The following FHIT variants were observed in gnomAD, a reference collection of about 807,000 sequenced individuals.
FHIT encodes fragile histidine triad diadenosine triphosphatase.
Under a neutral mutation model 17.9 loss-of-function variants are expected in FHIT, and 19 were observed. That is an observed-to-expected ratio of 1.06 (90% CI 0.74 to 1.56). The LOEUF is 1.56. FHIT is among the 40% of genes most tolerant of loss of function. FHIT has a pLI of 0.00. For synonymous variants in FHIT, 81 were observed against 69.7 expected (o/e 1.16, Z -0.81); for missense variants, 248 against 189.2 (o/e 1.31, Z -1.82).
intron 5 of FHIT, among the ~76,000 whole-genome samples, chr3:60,030,054 T>C (rs1330009829): frequency 1.3e-5 from 2 of 152,144 alleles, no homozygotes; most frequent in Non-Finnish European, 2.9e-5. Flanking sequence ...TGTCAGGGTT[T>C]TGTTTGTGAC....
At chr3:60,215,164 C>A (rs1703641531) in intron 5 of FHIT, among the ~76,000 whole-genome samples, 1 of 151,820 alleles carries the variant, frequency 6.6e-6, no homozygotes, top group African/African-American at 2.4e-5. Context: ...CCCCTGGAAT[C>A]TAAAATAAAA....
intron 3 of FHIT, among the ~76,000 whole-genome samples, chr3:61,012,923 T>C (rs1439002): frequency 6.6e-6 from 1 of 151,494 alleles, no homozygotes; most frequent in Non-Finnish European, 1.5e-5. Context: ...ATATGACTTA[T>C]AGAGAAAGGA....
intron 4 of FHIT, among the ~76,000 whole-genome samples, chr3:60,693,374 G>C (rs1279408136): frequency 6.6e-6 from 1 of 152,134 alleles, no homozygotes; most frequent in African/African-American, 2.4e-5. Context: ...TTTCCCTTGG[G>C]GAAGGAGTAA....
At chr3:60,626,297 T>C (rs2039283781) in intron 4 of FHIT, among the ~76,000 whole-genome samples, 1 of 152,234 alleles carries the variant, frequency 6.6e-6, no homozygotes, top group African/African-American at 2.4e-5. Context: ...ATTGAATCTT[T>C]ATGGCACTCA....
At chr3:59,894,569 G>T (rs1434458363) in intron 8 of FHIT, among the ~76,000 whole-genome samples, 2 of 150,994 alleles carry the variant, frequency 1.3e-5, no homozygotes. Flanking sequence ...AGTGGGACAA[G>T]TCAAATCTAC....
chr3:60,012,016 G>A (rs1700157016), intron 6 of FHIT, among the ~76,000 whole-genome samples: 3 of 152,210 alleles, frequency 2.0e-5, no homozygotes, highest in East Asian at 3.9e-4. Flanking sequence ...TGGTTGAGAT[G>A]GCCAAACAAA....
chr3:61,167,299 A>C (rs111551640), intron 2 of FHIT, among the ~76,000 whole-genome samples: 51 of 151,970 alleles, frequency 3.4e-4, no homozygotes, highest in African/African-American at 1.2e-3. Context: ...AATTAATAAC[A>C]AAATGAAACA....
chr3:60,097,428 T>G (rs1020874183), intron 5 of FHIT, among the ~76,000 whole-genome samples: 4 of 152,020 alleles, frequency 2.6e-5, no homozygotes, highest in Non-Finnish European at 5.9e-5. Context: ...CTAGTCCCAG[T>G]TTTCCAAGAC....
At chr3:60,583,267 T>C (rs2037805332) in intron 4 of FHIT, among the ~76,000 whole-genome samples, 1 of 151,992 alleles carries the variant, frequency 6.6e-6, no homozygotes, top group South Asian at 2.1e-4. Flanking sequence ...TAAAAATAAA[T>C]TTGGCATTCC....
At chr3:60,422,229 T>C (rs928521186) in intron 5 of FHIT, among the ~76,000 whole-genome samples, 1 of 152,164 alleles carries the variant, frequency 6.6e-6, no homozygotes, top group Non-Finnish European at 1.5e-5. Context: ...GAGAGTCATA[T>C]GGAAATATTC....
chr3:60,431,600 G>A (rs1374140552), intron 5 of FHIT, among the ~76,000 whole-genome samples: 1 of 152,086 alleles, frequency 6.6e-6, no homozygotes, highest in African/African-American at 2.4e-5. Flanking sequence ...TTTTACTGGT[G>A]AAGGACGAAG....
intron 7 of FHIT, among the ~76,000 whole-genome samples, chr3:60,010,872 G>T (rs1351324150): frequency 6.6e-6 from 1 of 151,754 alleles, no homozygotes; most frequent in Non-Finnish European, 1.5e-5. Flanking sequence ...AGGTGTGGGG[G>T]TGACGAGAAG....
chr3:60,860,668 G>GA lies in FHIT; in HGVS notation c.-110-38658_-110-38657insT, dbSNP rs560218144. 8.5e-4 allele frequency among the ~76,000 whole-genome samples: 86 copies of GA among 100,762 alleles called. 2 individuals are homozygous for GA. The highest frequency in any genetic ancestry group is 3.3e-3 in the African/African-American group (72 of 21,798). 66.1% of individuals were successfully genotyped at this position (100,762 alleles called of 152,430 possible). On this transcript the variant is annotated intron_variant, in intron 3 of 9. Transcript: ENST00000492590. Reference sequence around the variant, plus strand: ...ATATGTACATATATCAGGTATATATGTACATATGTACATATATATCAGGTA... The same window carrying GA: ...ATATGTACATATATCAGGTATATATGATACATATGTACATATATATCAGGTA...
chr3:61,088,833 C>T (rs771765733), intron 2 of FHIT, among the ~76,000 whole-genome samples: 5 of 151,988 alleles, frequency 3.3e-5, no homozygotes, highest in African/African-American at 1.2e-4. Flanking sequence ...GTTGTACCTA[C>T]CAAAAAGACA....
chr3:60,905,445 A>G (rs1706356189), intron 3 of FHIT, among the ~76,000 whole-genome samples: 1 of 152,172 alleles, frequency 6.6e-6, no homozygotes, highest in African/African-American at 2.4e-5. Context: ...ATACCTATCT[A>G]TATATTTACT....
At chr3:60,676,076 C>G (rs1244875328) in intron 4 of FHIT, among the ~76,000 whole-genome samples, 1 of 152,168 alleles carries the variant, frequency 6.6e-6, no homozygotes, top group Non-Finnish European at 1.5e-5. Flanking sequence ...CCCAACTTGT[C>G]CCAAGTTAAA....
At position 59,817,093 on chromosome 3, in the gene FHIT, G is replaced by A. The variant is rs113347235; in HGVS notation, c.349-64772C>T. Among the ~76,000 whole-genome samples the A allele has an allele frequency of 4.0e-3, 610 of 152,272 alleles. 1 individual carries two copies. The highest frequency in any genetic ancestry group is 0.014 in the African/African-American group (565 of 41,560). On this transcript the variant is annotated intron_variant, in intron 8 of 9. Coordinates refer to ENST00000492590, the MANE Select transcript of FHIT (RefSeq NM_002012.4). Reference sequence around the variant, plus strand: ...GCTCTCCGCAGACCCCAGCGTCTTCGTAGATAGGAGGTTTAGCAGATGGTG... The same window carrying A: ...GCTCTCCGCAGACCCCAGCGTCTTCATAGATAGGAGGTTTAGCAGATGGTG...
intron 3 of FHIT, among the ~76,000 whole-genome samples, chr3:60,865,485 TCA>T (rs1452635952): frequency 1.3e-5 from 2 of 152,152 alleles, no homozygotes; most frequent in Non-Finnish European, 2.9e-5. Flanking sequence ...CTAATAAAAT[TCA>T]GTTTATTTTA....
intron 8 of FHIT, among the ~76,000 whole-genome samples, chr3:59,889,253 G>A (rs1447898189): frequency 6.6e-6 from 1 of 152,192 alleles, no homozygotes; most frequent in Non-Finnish European, 1.5e-5. Flanking sequence ...CAGGCATCAA[G>A]AGGCAGTCCA....
Sources: gnomAD v4.1 joint callset for allele counts (sites outside exome capture counted in the v4.1 genomes callset) on GRCh38, gnomAD v4.1.1 for gene constraint, MANE v1.5 for transcripts, NCBI Gene and HGNC (gene_info 2026-07-23, HGNC 2026-07-21) for gene names.